GRIK4: variants seen among roughly 807,000 people sequenced by gnomAD.
GRIK4 encodes glutamate receptor ionotropic, kainate 4.
In GRIK4, 40 loss-of-function variants were observed where a neutral mutation model predicts 104.9. That is an observed-to-expected ratio of 0.38 (90% CI 0.30 to 0.50). The LOEUF (loss-of-function observed/expected upper bound fraction) is 0.50, where lower values mean the gene tolerates loss of function less well. Ranked by LOEUF, GRIK4 falls within the 20% of genes least tolerant of loss-of-function variation. GRIK4 has a pLI of 0.93. For synonymous variants in GRIK4, 485 were observed against 524.9 expected, an observed-to-expected ratio of 0.92 and a Z score of 1.04; for missense variants, 1,047 against 1,308.1, an observed-to-expected ratio of 0.80 and a Z score of 3.08.
At chr11:120,786,575 C>T (rs980847941) in intron 3 of GRIK4, among the ~76,000 whole-genome samples, 3 of 152,010 alleles carry the variant, frequency 2.0e-5, no homozygotes, top group African/African-American at 7.3e-5. Context: ...GTGACATCTG[C>T]CTGCCTTGCT....
chr11:120,927,565 C>CAAAAAAAAAAAA (rs56223442), intron 13 of GRIK4, among the ~76,000 whole-genome samples: 5 of 101,572 alleles, frequency 4.9e-5, no homozygotes, highest in Non-Finnish European at 7.5e-5. Flanking sequence ...GACTCTGTCT[C>CAAAAAAAAAAAA]AAAAAAAAAA....
chr11:120,621,519 A>G (rs1359865383), intron 1 of GRIK4, among the ~76,000 whole-genome samples: 3 of 152,208 alleles, frequency 2.0e-5, no homozygotes, highest in Admixed American at 6.5e-5. Context: ...GAGCCCTGGC[A>G]GTGAGGCAAG....
rs535115738 is a variant in GRIK4, at chr11:120,846,106, G to C, written c.744+9262G>C. 2.0e-5 allele frequency among the ~76,000 whole-genome samples: 3 copies of C among 152,318 alleles called. No homozygotes were observed. In the South Asian group the frequency reaches 6.2e-4, roughly 32 times the overall value. On this transcript the variant is annotated intron_variant, in intron 8 of 20. Coordinates refer to ENST00000527524, the MANE Select transcript of GRIK4 (RefSeq NM_014619.5). ...TTGGAAGATGGAAATATGTTCAGAA[G>C]GAGAAAAAACAGAGAGAATCACAAG...
intron 3 of GRIK4, among the ~76,000 whole-genome samples, chr11:120,791,091 A>C (rs1413508276): frequency 6.6e-6 from 1 of 152,178 alleles, no homozygotes; most frequent in Non-Finnish European, 1.5e-5. Context: ...ATAGTCAAAA[A>C]TTAATGTTTC....
rs1488664359 is a variant in GRIK4, at chr11:120,902,984, G to A, written c.1273-2306G>A. ...CCTGACACATGACCTTTGCCTTCTG[G>A]CTGCCCACTTCATCACGCCCACATC... On this transcript the variant is annotated intron_variant, in intron 12 of 20. Coordinates refer to ENST00000527524, the MANE Select transcript of GRIK4 (RefSeq NM_014619.5). This position sits in a 1 kb window ranked among gnomAD's most constrained non-coding sequence, Gnocchi z 4.5. Among the ~76,000 whole-genome samples the A allele has an allele frequency of 6.6e-6, 1 of 152,058 alleles. No individual in the cohort carries two copies. Among genetic ancestry groups the A allele is most frequent in the Non-Finnish European group, 1.5e-5 (1 of 68,004 alleles).
chr11:120,815,389 C>G lies in GRIK4; in HGVS notation c.259C>G (p.Leu87Val), dbSNP rs898941609. 1.9e-5 allele frequency: 29 copies of G among 1,546,286 alleles called. No individual in the cohort carries two copies. Among genetic ancestry groups the G allele is most frequent in the Non-Finnish European group, 2.5e-5 (29 of 1,142,618 alleles). Reference protein sequence around the residue: ...YETAETMCQILPKGVVAVLGP... With the variant: ...YETAETMCQIVPKGVVAVLGP... ...GCCGCTGGCTGCAGTGTGTCAGATC[C>G]TCCCCAAGGGGGTGGTCGCTGTCCT... The change falls in exon 5 of 21, where the codon CTC becomes GTC. Residue 87 changes from leucine (L) to valine (V), a missense_variant. By Grantham distance (32) the Leu-to-Val change is conservative. Transcript: ENST00000527524.
chr11:120,722,961 A>C (rs897175646), intron 3 of GRIK4, among the ~76,000 whole-genome samples: 1 of 152,248 alleles, frequency 6.6e-6, no homozygotes, highest in Non-Finnish European at 1.5e-5. Flanking sequence ...ACAGGGCTTT[A>C]TCCTGACACC....
intron 3 of GRIK4, among the ~76,000 whole-genome samples, chr11:120,727,203 G>A (rs959111695): frequency 2.6e-5 from 4 of 152,208 alleles, no homozygotes; most frequent in African/African-American, 9.7e-5. Context: ...GGCGAGAGCA[G>A]CCTCGTTCCT....
At position 120,624,306 on chromosome 11, in the gene GRIK4, TCCCCATGGGG is replaced by T. The variant is rs1443960689; in HGVS notation, c.-158-29367_-158-29358del. ...GGACTGTCTAGGCCTTGCTGGACCT[TCCCCATGGGG>T]CCCCATGGGGCAGAAATATCTGAGT... On this transcript the variant is annotated intron_variant, in intron 1 of 20. Transcript: ENST00000527524. Among the ~76,000 whole-genome samples, 5 of 151,848 alleles carry T rather than the reference TCCCCATGGGG, an allele frequency of 3.3e-5. No homozygotes were observed. In the East Asian group the frequency reaches 7.8e-4, roughly 24 times the overall value.
At chr11:120,969,127 C>T (rs1944431953) in intron 19 of GRIK4, among the ~76,000 whole-genome samples, 1 of 152,194 alleles carries the variant, frequency 6.6e-6, no homozygotes, top group African/African-American at 2.4e-5. Flanking sequence ...ACAGGCTTAC[C>T]AGCAAGCATC....
intron 1 of GRIK4, among the ~76,000 whole-genome samples, chr11:120,607,875 G>A (rs1406311282): frequency 6.6e-6 from 1 of 152,142 alleles, no homozygotes; most frequent in Admixed American, 6.5e-5. Flanking sequence ...AGGAGCAACT[G>A]GAGAAGGTGG....
At chr11:120,968,239 G>A (rs1341412128) in intron 19 of GRIK4, among the ~76,000 whole-genome samples, 1 of 152,192 alleles carries the variant, frequency 6.6e-6, no homozygotes, top group South Asian at 2.1e-4. Flanking sequence ...ACCCTAGTTT[G>A]CCCAGGATGG....
At chr11:120,855,434 A>G (rs1450652957) in intron 8 of GRIK4, among the ~76,000 whole-genome samples, 3 of 152,200 alleles carry the variant, frequency 2.0e-5, no homozygotes, top group African/African-American at 7.2e-5. Context: ...GGTGGTCAGT[A>G]AATTGTAGTA....
At chr11:120,609,728 G>C (rs1949010054) in intron 1 of GRIK4, among the ~76,000 whole-genome samples, 1 of 151,982 alleles carries the variant, frequency 6.6e-6, no homozygotes, top group South Asian at 2.1e-4. Context: ...TGGCCAGGCT[G>C]GTCTCGAACT....
intron 1 of GRIK4, among the ~76,000 whole-genome samples, chr11:120,582,440 T>C (rs1220291631): frequency 6.6e-6 from 1 of 152,056 alleles, no homozygotes; most frequent in Non-Finnish European, 1.5e-5. Context: ...TGATAGGTAG[T>C]TTTTAGTCTT....
intron 8 of GRIK4, among the ~76,000 whole-genome samples, chr11:120,838,424 T>C (rs1162634556): frequency 6.6e-6 from 1 of 152,264 alleles, no homozygotes; most frequent in Non-Finnish European, 1.5e-5. Flanking sequence ...AGCTCTATGA[T>C]GCTTTCAGTT....
At chr11:120,983,238 G>C (rs1014895991) in intron 20 of GRIK4, among the ~76,000 whole-genome samples, 4 of 152,184 alleles carry the variant, frequency 2.6e-5, no homozygotes, top group African/African-American at 7.2e-5. Context: ...CATTGTGAAC[G>C]TGTCTGCCAT....
At chr11:120,660,239 C>T in intron 2 of GRIK4, 30 bp from the exon 3 acceptor site, 2 of 987,952 alleles carry the variant, frequency 2.0e-6, no homozygotes, top group Non-Finnish European at 1.6e-6. Context: ...GAGCCTGGGA[C>T]TCACGTGCCC....
rs1342617547 is a variant in GRIK4 at position 120,986,192 on chromosome 11, C to T, written c.2803C>T (p.Pro935Ser). The change falls in exon 21 of 21, where the codon CCG becomes TCG. Residue 935 changes from proline (P) to serine (S), a missense_variant. Physicochemically the swap from Pro to Ser is moderately conservative, Grantham distance 74. This residue lies in a region of GRIK4 where 160 missense variants were observed against 140.9 expected (regional missense o/e 1.14). Transcript: ENST00000527524. The stretch of plus-strand genomic sequence containing the variant: ...CCGCTTCCAGGGCCTGCGGGCACGG[C>T]CGTCGCCCGCCCGCAGCGAGGAGAG... The part of the protein sequence containing the change: ...CRRFQGLRAR[P>S]SPARSEESLE... 1.3e-6 allele frequency: 2 copies of T among 1,566,150 alleles called. No homozygotes were observed. The highest frequency in any genetic ancestry group is 1.7e-6 in the Non-Finnish European group (2 of 1,165,752).
Sources: allele counts gnomAD v4.1 joint callset (sites outside exome capture counted in the v4.1 genomes callset), GRCh38; gene constraint gnomAD v4.1.1; regional missense constraint gnomAD v4.1.1; non-coding constraint Gnocchi (gnomAD v3.1); transcripts MANE v1.5; gene names NCBI Gene and HGNC (gene_info 2026-07-23, HGNC 2026-07-21).